The following SPIDR variants were observed in gnomAD, a reference collection of about 807,000 sequenced individuals.
SPIDR encodes scaffold protein involved in DNA repair, also known as DNA repair-scaffolding protein.
Under a neutral mutation model 104.6 loss-of-function variants are expected in SPIDR, and 93 were observed. That is an observed-to-expected ratio of 0.89 (90% CI 0.75 to 1.06). SPIDR has a LOEUF of 1.06. Among genes scored for constraint, SPIDR ranks in the 50% least tolerant of loss-of-function variants. The pLI is 0.00. For synonymous variants in SPIDR, 431 were observed against 416.9 expected (o/e 1.03, Z -0.41); for missense variants, 1,154 against 1,111.2 (o/e 1.04, Z -0.55).
intron 8 of SPIDR, among the ~76,000 whole-genome samples, chr8:47,476,832 C>T (rs2076345786): frequency 6.6e-6 from 1 of 152,240 alleles, no homozygotes; most frequent in Non-Finnish European, 1.5e-5. Context: ...CACCAAGGCT[C>T]AGGGCTCTGC....
At chr8:47,719,397 T>C (rs2083054878) in intron 16 of SPIDR, among the ~76,000 whole-genome samples, 3 of 151,928 alleles carry the variant, frequency 2.0e-5, no homozygotes, top group Non-Finnish European at 2.9e-5. Flanking sequence ...TAGTCCCAGC[T>C]ACTCGGGAGG....
intron 5 of SPIDR, among the ~76,000 whole-genome samples, chr8:47,373,374 A>G (rs1231054924): frequency 3.3e-5 from 5 of 152,176 alleles, no homozygotes; most frequent in Non-Finnish European, 7.3e-5. Flanking sequence ...AATTGGGCAT[A>G]TGGTTGGTAC....
At chr8:47,620,970 T>A (rs2065073777) in intron 10 of SPIDR, among the ~76,000 whole-genome samples, 1 of 151,358 alleles carries the variant, frequency 6.6e-6, no homozygotes, top group South Asian at 2.1e-4. Context: ...TTGTTTTTGT[T>A]TTTTTGAGAT....
At chr8:47,644,505 A>G (rs2069893940) in intron 10 of SPIDR, among the ~76,000 whole-genome samples, 1 of 152,210 alleles carries the variant, frequency 6.6e-6, no homozygotes, top group South Asian at 2.1e-4. Flanking sequence ...CAATGAACAA[A>G]ACAGACAAGG....
At chr8:47,572,530 C>T (rs1466639843) in intron 8 of SPIDR, among the ~76,000 whole-genome samples, 8 of 151,766 alleles carry the variant, frequency 5.3e-5, no homozygotes, top group East Asian at 1.9e-4. Context: ...GGCATGGTGG[C>T]GGACACCTGT....
At chr8:47,401,165 G>A (rs1420289319) in intron 6 of SPIDR, among the ~76,000 whole-genome samples, 3 of 152,176 alleles carry the variant, frequency 2.0e-5, no homozygotes, top group Non-Finnish European at 4.4e-5. Context: ...AGCCAGAATA[G>A]AGTGGGGGGC....
In SPIDR at chr8:47,690,276, G is replaced by C. The variant is rs574835940; in HGVS notation, c.1686-10127G>C. Among the ~76,000 whole-genome samples the C allele has an allele frequency of 3.4e-4, 52 of 152,144 alleles. 2 individuals are homozygous for C. In the South Asian group the frequency reaches 0.011, roughly 32 times the overall value. On this transcript the variant is annotated intron_variant, in intron 11 of 19. Coordinates refer to ENST00000297423, the MANE Select transcript of SPIDR (RefSeq NM_001080394.4). ...CTGTGAAGTTGAGAGAGTGTGTGGG[G>C]GGGGTGAGGGGTGCGCGTGCACGTG... is the stretch of plus-strand genomic sequence containing the variant.
intron 5 of SPIDR, among the ~76,000 whole-genome samples, chr8:47,338,667 T>TAA (rs1466637687): frequency 6.6e-6 from 1 of 152,226 alleles, no homozygotes; most frequent in Non-Finnish European, 1.5e-5. Context: ...AATAAATACT[T>TAA]AAGAGTATCT....
intron 8 of SPIDR, among the ~76,000 whole-genome samples, chr8:47,517,746 T>A (rs1396367905): frequency 6.6e-6 from 1 of 152,174 alleles, no homozygotes; most frequent in Non-Finnish European, 1.5e-5. Context: ...CAATGAAAAA[T>A]TTGCTAATTT....
At chr8:47,639,940 A>AG (rs1363925659) in intron 10 of SPIDR, among the ~76,000 whole-genome samples, 16 of 152,038 alleles carry the variant, frequency 1.1e-4, no homozygotes, top group Non-Finnish European at 1.2e-4. Flanking sequence ...AAAAAAAAAA[A>AG]AGAGAGATTT....
At chr8:47,296,614 G>A (rs2040887141) in intron 5 of SPIDR, among the ~76,000 whole-genome samples, 1 of 152,118 alleles carries the variant, frequency 6.6e-6, no homozygotes, top group African/African-American at 2.4e-5. Context: ...CTGTTTGATT[G>A]GTTAGTTGGT....
intron 1 of SPIDR, among the ~76,000 whole-genome samples, chr8:47,272,619 C>T (rs1160073156): frequency 3.3e-5 from 5 of 152,258 alleles, no homozygotes; most frequent in Admixed American, 6.5e-5. Flanking sequence ...CCTTGGGCAG[C>T]GCCTCGAGAT....
In SPIDR at chr8:47,293,990, A is replaced by G; in HGVS notation, c.485A>G (p.Gln162Arg). Residue 162 changes from glutamine to arginine, a missense_variant, in exon 5 of 20, where the codon CAG becomes CGG. Transcript: ENST00000297423. ...ISDCASCASNQSLTSDEKLSE... is the reference protein window; with the variant it reads ...ISDCASCASNRSLTSDEKLSE... ...GACTGTGCTTCTTGTGCAAGTAATC[A>G]GTCTTTGACAAGTGATGAGAAGCTG... The G allele has an allele frequency of 6.2e-7, 1 of 1,614,120 alleles. No homozygotes were observed. Among genetic ancestry groups the G allele is most frequent in the Non-Finnish European group, 8.5e-7 (1 of 1,179,998 alleles).
intron 14 of SPIDR, among the ~76,000 whole-genome samples, chr8:47,712,386 A>C (rs923580660): frequency 2.0e-5 from 3 of 152,208 alleles, no homozygotes; most frequent in African/African-American, 7.2e-5. Flanking sequence ...GAGGAAAAGA[A>C]CAATGGATTC....
At chr8:47,587,265 T>G (rs1238798621) in intron 8 of SPIDR, among the ~76,000 whole-genome samples, 1 of 152,178 alleles carries the variant, frequency 6.6e-6, no homozygotes, top group Non-Finnish European at 1.5e-5. Flanking sequence ...TATATTTTTC[T>G]GCCTATGATT....
chr8:47,545,119 C>CTTTCTTTCTTTCT (rs1406970191), intron 8 of SPIDR, among the ~76,000 whole-genome samples: 91 of 23,904 alleles, frequency 3.8e-3, no homozygotes, highest in African/African-American at 0.013. Flanking sequence ...TTCTTTCTTT[C>CTTTCTTTCTTTCT]TTTTTTTTTT....
At position 47,727,248 on chromosome 8, in the gene SPIDR, G is replaced by T; in HGVS notation, c.2390G>T (p.Cys797Phe). ...DESTAFSWPV[C>F]DMCGNGRLEQ... ...AGCACTGCTTTCTCATGGCCTGTGT[G>T]TGACATGTGTGGCAACGGGAGATTG... Residue 797 changes from cysteine to phenylalanine, a missense_variant, in exon 17 of 20, where the codon TGT becomes TTT. Physicochemically the swap from Cys to Phe is radical, Grantham distance 205. Transcript: ENST00000297423. The T allele has an allele frequency of 3.7e-6, 6 of 1,614,200 alleles. No individual in the cohort carries two copies. The highest frequency in any genetic ancestry group is 5.1e-6 in the Non-Finnish European group (6 of 1,180,026).
intron 8 of SPIDR, among the ~76,000 whole-genome samples, chr8:47,536,436 G>T (rs528823557): frequency 1.3e-5 from 2 of 152,022 alleles, no homozygotes; most frequent in East Asian, 3.9e-4. Flanking sequence ...AGCCAAATAG[G>T]TCAATGGAAC....
intron 5 of SPIDR, among the ~76,000 whole-genome samples, chr8:47,337,452 G>C (rs1554610435): frequency 1.3e-5 from 2 of 151,850 alleles, no homozygotes; most frequent in African/African-American, 4.8e-5. Context: ...TTTTATTATT[G>C]ACTTGTCAGA....
Sources: allele counts gnomAD v4.1 joint callset (sites outside exome capture counted in the v4.1 genomes callset), GRCh38; gene constraint gnomAD v4.1.1; transcripts MANE v1.5; gene names NCBI Gene and HGNC (gene_info 2026-07-23, HGNC 2026-07-21).